Variants in SLC41A2 observed in about 807,000 individuals in gnomAD.
The protein encoded by SLC41A2 is solute carrier family 41 member 2.
In SLC41A2, 32 loss-of-function variants were observed where a neutral mutation model predicts 58.3. That is an observed-to-expected ratio of 0.55 (90% CI 0.41 to 0.74). The LOEUF (loss-of-function observed/expected upper bound fraction) is 0.74, where lower values mean the gene tolerates loss of function less well. Ranked by LOEUF, SLC41A2 falls within the 30% of genes least tolerant of loss-of-function variation. The pLI, the probability that SLC41A2 is intolerant of heterozygous loss-of-function variation, is 0.00. For missense variants in SLC41A2, 514 were observed against 680.6 expected, an observed-to-expected ratio of 0.76 and a Z score of 2.72; for synonymous variants, 190 against 235.0, an observed-to-expected ratio of 0.81 and a Z score of 1.75.
chr12:104,848,229 G>A (rs977693115), intron 8 of SLC41A2, among the ~76,000 whole-genome samples: 1 of 152,064 alleles, frequency 6.6e-6, no homozygotes, highest in African/African-American at 2.4e-5. Context: ...ATAACCCATA[G>A]TTCAAAGAAG....
At chr12:104,853,911 A>ATTATTATTAATTTTT in intron 8 of SLC41A2, among the ~76,000 whole-genome samples, 2 of 59,494 alleles carry the variant, frequency 3.4e-5, no homozygotes, top group Non-Finnish European at 6.4e-5. Context: ...TGCCTGGCTG[A>ATTATTATTAATTTTT]TTTTTTTTTT....
intron 6 of SLC41A2, among the ~76,000 whole-genome samples, chr12:104,879,988 A>G (rs1235136630): frequency 6.6e-6 from 1 of 152,102 alleles, no homozygotes; most frequent in Non-Finnish European, 1.5e-5. Flanking sequence ...GGTCCTTCAC[A>G]TTCCGTGTAA....
At chr12:104,866,771 A>G (rs1008355561) in intron 6 of SLC41A2, among the ~76,000 whole-genome samples, 192 bp from the exon 7 acceptor site, 1 of 152,158 alleles carries the variant, frequency 6.6e-6, no homozygotes, top group Non-Finnish European at 1.5e-5. Context: ...GTAACTGAAA[A>G]GTAACACATT....
intron 2 of SLC41A2, among the ~76,000 whole-genome samples, chr12:104,919,416 C>T (rs548508165): frequency 2.2e-4 from 34 of 152,292 alleles, no homozygotes; most frequent in Admixed American, 2.0e-3. Flanking sequence ...TGTTTTTTTA[C>T]AGAACTGCAA....
At chr12:104,874,078 T>G (rs1158571965) in intron 6 of SLC41A2, among the ~76,000 whole-genome samples, 2 of 149,258 alleles carry the variant, frequency 1.3e-5, no homozygotes, top group African/African-American at 2.5e-5. Flanking sequence ...AGTTTGTTTT[T>G]TTTTTTTTTT....
intron 10 of SLC41A2, among the ~76,000 whole-genome samples, chr12:104,808,846 T>C (rs1395368253): frequency 6.6e-6 from 1 of 152,224 alleles, no homozygotes; most frequent in African/African-American, 2.4e-5. Flanking sequence ...TTTTCTAGTT[T>C]ATTTGCGTAG....
At chr12:104,813,039 TGTG>T (rs2041242364) in intron 10 of SLC41A2, among the ~76,000 whole-genome samples, 1 of 151,730 alleles carries the variant, frequency 6.6e-6, no homozygotes, top group African/African-American at 2.4e-5. Context: ...ATTAGCCAGA[TGTG>T]GTGGTGCACG....
intron 6 of SLC41A2, among the ~76,000 whole-genome samples, chr12:104,880,938 C>A (rs1036642124): frequency 8.5e-5 from 13 of 152,190 alleles, no homozygotes; most frequent in African/African-American, 2.9e-4. Flanking sequence ...GTGAATCCGT[C>A]TGGTCCTGGA....
In SLC41A2 at chr12:104,803,133, C is replaced by T. The variant is rs186783282; in HGVS notation, c.*2019G>A. 349 of 152,018 alleles carry T rather than the reference C, an allele frequency of 2.3e-3. 3 individuals are homozygous for T. The highest frequency in any genetic ancestry group is 8.0e-3 in the African/African-American group (332 of 41,448). The allele number at this position is 152,018 out of a possible 1,614,324, so 9.4% of individuals were successfully genotyped here. A position where few individuals can be genotyped will look rare whatever the true frequency, so the allele number is the denominator to read the frequency against. ...ATTAATGCTTTAAAAATGTAGCTTG[C>T]CCTGTATATTTTTTAAAAATCAAAA... On this transcript the variant is annotated 3_prime_UTR_variant, in exon 11 of 11. Coordinates refer to ENST00000258538, the MANE Select transcript of SLC41A2 (RefSeq NM_001352171.3).
chr12:104,854,426 G>A (rs187442552), intron 8 of SLC41A2, among the ~76,000 whole-genome samples: 2,796 of 152,230 alleles, frequency 0.018, 104 homozygotes, highest in African/African-American at 0.063. Context: ...AGCCGGGCGT[G>A]GCGGCGGGCG....
At position 104,927,646 on chromosome 12, in the gene SLC41A2, G is replaced by A. The variant is rs569488545; in HGVS notation, c.555+327C>T. 9.9e-5 allele frequency among the ~76,000 whole-genome samples: 15 copies of A among 152,158 alleles called. No individual in the cohort carries two copies. The South Asian group carries it at 2.7e-3, about 27-fold the overall frequency. ...CTAATGTTTGAAGTCATTTTAATGA[G>A]TATATATTAATTTTTATTTTAAAAG... On this transcript the variant is annotated intron_variant, in intron 2 of 10. Coordinates refer to ENST00000258538, the MANE Select transcript of SLC41A2 (RefSeq NM_001352171.3).
chr12:104,918,344 CTCT>C (rs1224773466), intron 2 of SLC41A2, among the ~76,000 whole-genome samples: 1 of 152,034 alleles, frequency 6.6e-6, no homozygotes, highest in Non-Finnish European at 1.5e-5. Flanking sequence ...CATATAATGA[CTCT>C]TCTTCATCAT....
chr12:104,906,395 T>C (rs955079508), intron 3 of SLC41A2, among the ~76,000 whole-genome samples: 2 of 151,166 alleles, frequency 1.3e-5, no homozygotes, highest in African/African-American at 4.9e-5. Context: ...AGCTTGGACA[T>C]GGGGCCTGGT....
At position 104,845,883 on chromosome 12, in the gene SLC41A2, G is replaced by C; in HGVS notation, c.1347C>G (p.Pro449=). The change falls in exon 9 of 11, where the codon CCC becomes CCG. Residue 449 remains proline, a synonymous_variant. Transcript: ENST00000258538. Reference sequence around the variant, plus strand: ...TTCTAAATGGGTAGTAACAACCTTTGGGTTCATCAGGCAATTCTCCTGGAA... The same window carrying C: ...TTCTAAATGGGTAGTAACAACCTTTCGGTTCATCAGGCAATTCTCCTGGAA... The part of the protein sequence containing the change: ...HSIPGELPDE[P]KGCYYPFRTF... The C allele has an allele frequency of 6.2e-7, 1 of 1,613,824 alleles. No individual in the cohort carries two copies. Among genetic ancestry groups the C allele is most frequent in the Non-Finnish European group, 8.5e-7 (1 of 1,179,840 alleles).
At chr12:104,883,627 T>A (rs1353672360) in intron 6 of SLC41A2, among the ~76,000 whole-genome samples, 1 of 152,234 alleles carries the variant, frequency 6.6e-6, no homozygotes, top group East Asian at 1.9e-4. Flanking sequence ...CAGACCCTGT[T>A]TTCCTGGGTA....
intron 10 of SLC41A2, among the ~76,000 whole-genome samples, chr12:104,810,603 G>A (rs927531139): frequency 1.3e-5 from 2 of 152,088 alleles, no homozygotes; most frequent in African/African-American, 2.4e-5. Flanking sequence ...TGTAAATAAC[G>A]TTTTATTGGA....
intron 10 of SLC41A2, 151 bp from the exon 11 acceptor site, chr12:104,805,488 G>T: frequency 1.8e-6 from 1 of 564,992 alleles, no homozygotes; most frequent in African/African-American, 1.9e-5. Context: ...TAGATGACAA[G>T]AATACTTTCA....
At chr12:104,910,489 C>T (rs1162751541) in intron 2 of SLC41A2, among the ~76,000 whole-genome samples, 1 of 152,060 alleles carries the variant, frequency 6.6e-6, no homozygotes, top group Non-Finnish European at 1.5e-5. Context: ...TGGAGAAATA[C>T]CATGTATAAA....
At chr12:104,867,135 T>G (rs759149720) in intron 6 of SLC41A2, among the ~76,000 whole-genome samples, 1 of 152,102 alleles carries the variant, frequency 6.6e-6, no homozygotes, top group Non-Finnish European at 1.5e-5. Context: ...AGTACAGGCA[T>G]TCCATAAAAT....
Sources: gnomAD v4.1 joint callset for allele counts (sites outside exome capture counted in the v4.1 genomes callset) on GRCh38, gnomAD v4.1.1 for gene constraint, MANE v1.5 for transcripts, NCBI Gene and HGNC (gene_info 2026-07-23, HGNC 2026-07-21) for gene names.